The following KCNK12 variants were observed in gnomAD, a reference collection of about 807,000 sequenced individuals.
KCNK12 encodes potassium two pore domain channel subfamily K member 12.
KCNK12 carries 6 observed loss-of-function variants against 25.3 expected under a neutral mutation model. That is an observed-to-expected ratio of 0.24 (90% CI 0.13 to 0.47). KCNK12 has a LOEUF of 0.47. Among genes scored for constraint, KCNK12 ranks in the 20% least tolerant of loss-of-function variants. The pLI is 0.99. For synonymous variants in KCNK12, 331 were observed against 311.1 expected, an observed-to-expected ratio of 1.06 and a Z score of -0.67; for missense variants, 444 against 661.7, an observed-to-expected ratio of 0.67 and a Z score of 3.61.
intron 1 of KCNK12, among the ~76,000 whole-genome samples, chr2:47,523,766 T>G (rs1033235759): frequency 1.3e-5 from 2 of 152,094 alleles, no homozygotes; most frequent in Admixed American, 6.6e-5. Context: ...AATGGATCAT[T>G]TGAGCAGCAC....
intron 1 of KCNK12, among the ~76,000 whole-genome samples, chr2:47,546,190 G>A (rs994753575): frequency 6.6e-6 from 1 of 152,202 alleles, no homozygotes; most frequent in Non-Finnish European, 1.5e-5. Context: ...TATTGCAAAG[G>A]CATATCAATC....
At chr2:47,537,289 C>T (rs2104799697) in intron 1 of KCNK12, among the ~76,000 whole-genome samples, 1 of 151,990 alleles carries the variant, frequency 6.6e-6, no homozygotes, top group African/African-American at 2.4e-5. Context: ...TACTTAATTC[C>T]GTACATGGAG....
intron 1 of KCNK12, among the ~76,000 whole-genome samples, chr2:47,537,166 T>C (rs988565482): frequency 2.6e-5 from 4 of 152,246 alleles, no homozygotes; most frequent in African/African-American, 9.6e-5. Flanking sequence ...CTGCTGTGCT[T>C]TGCAGCCCAT....
rs2104656324 is a variant in KCNK12, at chr2:47,511,209, T to G, written c.*9698A>C. The stretch of plus-strand genomic sequence containing the variant: ...TTAGCTAGTGAATTGCTGTGTGGCC[T>G]CCTTACTGAGCCTCATTTCCCTCTG... On this transcript the variant is annotated 3_prime_UTR_variant, in exon 2 of 2. Coordinates refer to ENST00000327876, the MANE Select transcript of KCNK12 (RefSeq NM_022055.2). This position sits in a 1 kb window ranked among gnomAD's most constrained non-coding sequence, Gnocchi z 4.3. Among the ~76,000 whole-genome samples the G allele has an allele frequency of 6.6e-6, 1 of 152,312 alleles. No individual in the cohort carries two copies. Among genetic ancestry groups the G allele is most frequent in the African/African-American group, 2.4e-5 (1 of 41,564 alleles).
rs1248589730 is a variant in KCNK12, at chr2:47,511,092, C to A, written c.*9815G>T. On this transcript the variant is annotated 3_prime_UTR_variant, in exon 2 of 2. Transcript: ENST00000327876. The surrounding 1 kb of genome is among the most constrained non-coding windows in gnomAD (Gnocchi z 4.3). ...AGAGCATGCACACCGTAGGTTCTCACATATGTTTGTTGAGTGAATGAATAC... is the reference window on the plus strand; with the variant it reads ...AGAGCATGCACACCGTAGGTTCTCAAATATGTTTGTTGAGTGAATGAATAC... 1.3e-5 allele frequency: 2 copies of A among 152,244 alleles called. No individual in the cohort carries two copies. Among genetic ancestry groups the A allele is most frequent in the Non-Finnish European group, 2.9e-5 (2 of 68,060 alleles). The allele number at this position is 152,244 out of a possible 1,614,324, so 9.4% of individuals were successfully genotyped here. A position where few individuals can be genotyped will look rare whatever the true frequency, so the allele number is the denominator to read the frequency against.
chr2:47,570,814 C>G lies in KCNK12; in HGVS notation c.-483G>C, dbSNP rs1405387702. On this transcript the variant is annotated 5_prime_UTR_variant, in exon 1 of 2. Transcript: ENST00000327876. ...GAGCCCCCGGGGGCGTCCCATGAGG[C>G]GTTCGGGATCGGCGCCTCCTAGGTG... The G allele has an allele frequency of 1.3e-5, 2 of 152,222 alleles. No individual in the cohort carries two copies. Among genetic ancestry groups the G allele is most frequent in the African/African-American group, 4.8e-5 (2 of 41,438 alleles). 9.4% of individuals were successfully genotyped at this position (152,222 alleles called of 1,614,324 possible). A position where few individuals can be genotyped will look rare whatever the true frequency, so the allele number is the denominator to read the frequency against.
chr2:47,549,343 A>G (rs1478060506), intron 1 of KCNK12, among the ~76,000 whole-genome samples: 1 of 152,224 alleles, frequency 6.6e-6, no homozygotes, highest in Non-Finnish European at 1.5e-5. Flanking sequence ...GTCTGGCAGA[A>G]CAAAGTCCAA....
chr2:47,527,325 G>A (rs1228612105), intron 1 of KCNK12, among the ~76,000 whole-genome samples: 1 of 152,152 alleles, frequency 6.6e-6, no homozygotes, highest in Non-Finnish European at 1.5e-5. Flanking sequence ...CAGGGGAGAG[G>A]GGCCATGGCC....
Position 47,525,665 on chromosome 2 carries a change from G to A in KCNK12, c.392-3857C>T, listed in dbSNP as rs1341311740. On this transcript the variant is annotated intron_variant, in intron 1 of 1. Transcript: ENST00000327876. The surrounding 1 kb of genome is among the most constrained non-coding windows in gnomAD (Gnocchi z 4.1). ...TGAAAGGAAGAGATCTGAAGAGACT[G>A]CTCAAGAGGGCTGCCTGCTGGAGCA... is the stretch of plus-strand genomic sequence containing the variant. 2.0e-5 allele frequency among the ~76,000 whole-genome samples: 3 copies of A among 152,180 alleles called. No individual in the cohort carries two copies. Among genetic ancestry groups the A allele is most frequent in the Non-Finnish European group, 4.4e-5 (3 of 68,026 alleles).
Position 47,511,535 on chromosome 2 carries a change from A to G in KCNK12, c.*9372T>C, listed in dbSNP as rs905398449. ...TATTACAGAGAGATGCCCACAGTGC[A>G]TGACGTTACCCGCACAGGTGTGACA... On this transcript the variant is annotated 3_prime_UTR_variant, in exon 2 of 2. Transcript: ENST00000327876. The surrounding 1 kb of genome is among the most constrained non-coding windows in gnomAD (Gnocchi z 4.3). Among the ~76,000 whole-genome samples, 7 of 152,236 alleles carry G rather than the reference A, an allele frequency of 4.6e-5. No individual in the cohort carries two copies. The highest frequency in any genetic ancestry group is 4.6e-4 in the Admixed American group (7 of 15,286).
At chr2:47,523,180 C>T (rs1274489143) in intron 1 of KCNK12, among the ~76,000 whole-genome samples, 3 of 152,194 alleles carry the variant, frequency 2.0e-5, no homozygotes, top group Non-Finnish European at 4.4e-5. Context: ...AGGGCTTTGC[C>T]TTAATTGGGA....
chr2:47,564,154 G>A (rs529469788), intron 1 of KCNK12: 91 of 231,816 alleles, frequency 3.9e-4, no homozygotes, highest in Non-Finnish European at 7.1e-4. Flanking sequence ...GTGCAGTCCT[G>A]GAGAAAACCA....
In KCNK12 at chr2:47,566,448, A is replaced by G. The variant is rs1481562823; in HGVS notation, c.391+3493T>C. The G allele has an allele frequency of 6.6e-6, 1 of 151,948 alleles. No homozygotes were observed. Among genetic ancestry groups the G allele is most frequent in the Non-Finnish European group, 1.5e-5 (1 of 67,966 alleles). The allele number at this position is 151,948 out of a possible 1,614,324, so 9.4% of individuals were successfully genotyped here. On this transcript the variant is annotated intron_variant, in intron 1 of 1. Coordinates refer to ENST00000327876, the MANE Select transcript of KCNK12 (RefSeq NM_022055.2). This position sits in a 1 kb window ranked among gnomAD's most constrained non-coding sequence, Gnocchi z 4.1. ...CACACACACGTGCACACACACATACACACACTGGTGCAAAAAAGGGCAGAA... is the reference window on the plus strand; with the variant it reads ...CACACACACGTGCACACACACATACGCACACTGGTGCAAAAAAGGGCAGAA...
chr2:47,541,794 C>T (rs1046936891), intron 1 of KCNK12, among the ~76,000 whole-genome samples: 1 of 152,264 alleles, frequency 6.6e-6, no homozygotes, highest in South Asian at 2.1e-4. Flanking sequence ...TCAGGAGAAA[C>T]CAACCCTGCC....
In KCNK12 at chr2:47,523,254, G is replaced by A. The variant is rs368907923; in HGVS notation, c.392-1446C>T. On this transcript the variant is annotated intron_variant, in intron 1 of 1. Coordinates refer to ENST00000327876, the MANE Select transcript of KCNK12 (RefSeq NM_022055.2). ...CTAGAGTTAATGGTCTCTGAAAAGA[G>A]CTTTGTGAGGCTGACAAAAGGATTG... is the stretch of plus-strand genomic sequence containing the variant. Among the ~76,000 whole-genome samples, 5 of 152,338 alleles carry A rather than the reference G, an allele frequency of 3.3e-5. 1 individual carries two copies. In the East Asian group the frequency reaches 9.6e-4, roughly 29 times the overall value.
rs1265343473 is a variant in KCNK12, at chr2:47,516,290, C to T, written c.*4617G>A. Among the ~76,000 whole-genome samples the T allele has an allele frequency of 6.6e-6, 1 of 152,220 alleles. No homozygotes were observed. The highest frequency in any genetic ancestry group is 1.5e-5 in the Non-Finnish European group (1 of 68,050). ...TGAAATCAGACTCCTGGGAGTACGG[C>T]CCGGGCCTCGGGATCCTTTAAAGCT... On this transcript the variant is annotated 3_prime_UTR_variant, in exon 2 of 2. Coordinates refer to ENST00000327876, the MANE Select transcript of KCNK12 (RefSeq NM_022055.2).
rs543319910 is a variant in KCNK12 at position 47,538,685 on chromosome 2, C to T, written c.392-16877G>A. Among the ~76,000 whole-genome samples, 2 of 152,288 alleles carry T rather than the reference C, an allele frequency of 1.3e-5. No individual in the cohort carries two copies. Among genetic ancestry groups the T allele is most frequent in the African/African-American group, 4.8e-5 (2 of 41,556 alleles). ...ACTTGGAAGGCTGAGGCAGGAGAAT[C>T]ATTTGAACCCAGGAGGCAGAGGCTG... On this transcript the variant is annotated intron_variant, in intron 1 of 1. Coordinates refer to ENST00000327876, the MANE Select transcript of KCNK12 (RefSeq NM_022055.2). The surrounding 1 kb of genome is among the most constrained non-coding windows in gnomAD (Gnocchi z 4.5).
At chr2:47,567,710 G>A (rs371416756) in intron 1 of KCNK12, among the ~76,000 whole-genome samples, 9 of 152,302 alleles carry the variant, frequency 5.9e-5, no homozygotes, top group Non-Finnish European at 8.8e-5. Flanking sequence ...ATGTTTCCCC[G>A]CAGATTTTGG....
chr2:47,563,289 G>C (rs1669720825), intron 1 of KCNK12: 1 of 233,480 alleles, frequency 4.3e-6, no homozygotes, highest in Admixed American at 5.6e-5. Context: ...CCCCTTCTGG[G>C]AAGCCTTGGT....
Sources: allele counts gnomAD v4.1 joint callset (sites outside exome capture counted in the v4.1 genomes callset), GRCh38; gene constraint gnomAD v4.1.1; non-coding constraint Gnocchi (gnomAD v3.1); transcripts MANE v1.5; gene names NCBI Gene and HGNC (gene_info 2026-07-23, HGNC 2026-07-21).